The following NLGN4X variants were observed in gnomAD, a reference collection of about 807,000 sequenced individuals.
The protein encoded by NLGN4X is neuroligin 4 X-linked.
In NLGN4X, 3 loss-of-function variants were observed where a neutral mutation model predicts 40.3. That is an observed-to-expected ratio of 0.07 (90% CI 0.03 to 0.19). The LOEUF (loss-of-function observed/expected upper bound fraction) is 0.19. Among genes scored for constraint, NLGN4X ranks in the 10% least tolerant of loss-of-function variants. The probability of loss-of-function intolerance (pLI) is 1.00; values close to 1 mark genes in which losing one functional copy is unlikely to be tolerated. For missense variants in NLGN4X, 382 were observed against 708.3 expected (o/e 0.54, Z 5.23); for synonymous variants, 270 against 306.8 (o/e 0.88, Z 1.25).
intron 2 of NLGN4X, among the ~76,000 whole-genome samples, chrX:6,125,010 A>C (rs994990720): frequency 8.9e-5 from 10 of 112,248 alleles, no homozygotes; most frequent in Non-Finnish European, 1.9e-4. Context: ...ACATATACAC[A>C]CACACATCTA....
chrX:6,139,526 T>C (rs1211928086), intron 2 of NLGN4X, among the ~76,000 whole-genome samples: 1 of 112,284 alleles, frequency 8.9e-6, no homozygotes, highest in Admixed American at 9.5e-5. Flanking sequence ...AGAACTTCCA[T>C]TTTAGGAAAC....
chrX:6,198,790 G>C (rs978633925), intron 1 of NLGN4X, among the ~76,000 whole-genome samples: 1 of 111,571 alleles, frequency 9.0e-6, no homozygotes, highest in African/African-American at 3.3e-5. Context: ...ACCACCCAGT[G>C]ACCTCAAGAG....
At chrX:6,048,752 C>T (rs986273972) in intron 2 of NLGN4X, among the ~76,000 whole-genome samples, 2 of 108,862 alleles carry the variant, frequency 1.8e-5, no homozygotes, top group South Asian at 4.2e-4. Context: ...GAACAGAGAA[C>T]CAAACACCAC....
chrX:6,082,780 G>A (rs1207523675), intron 2 of NLGN4X, among the ~76,000 whole-genome samples: 1 of 108,754 alleles, frequency 9.2e-6, no homozygotes, highest in Non-Finnish European at 1.9e-5. Flanking sequence ...GTGTGCTGAG[G>A]GAACTGTGAG....
rs918859549 is a variant in NLGN4X at position 5,890,952 on chromosome X, T to C, written c.*1865A>G. Reference sequence around the variant, plus strand: ...GAGCCAGGCAGCTGGACAATTTTTATGGGGAATGTCCACTTTAGCGGAGAG... The same window carrying C: ...GAGCCAGGCAGCTGGACAATTTTTACGGGGAATGTCCACTTTAGCGGAGAG... On this transcript the variant is annotated 3_prime_UTR_variant, in exon 6 of 6. Coordinates refer to ENST00000381095, the MANE Select transcript of NLGN4X (RefSeq NM_181332.3). 2 of 313,785 alleles carry C rather than the reference T, an allele frequency of 6.4e-6. No homozygotes were observed. The highest frequency in any genetic ancestry group is 3.4e-5 in the Admixed American group (1 of 29,510). 25.9% of individuals were successfully genotyped at this position (313,785 alleles called of 1,213,427 possible). A position where few individuals can be genotyped will look rare whatever the true frequency, so the allele number is the denominator to read the frequency against.
chrX:6,169,107 A>T (rs1362699060), intron 1 of NLGN4X, among the ~76,000 whole-genome samples: 1 of 111,753 alleles, frequency 8.9e-6, no homozygotes, highest in Non-Finnish European at 1.9e-5. Context: ...GGCAAGACAG[A>T]TCAAAGGTAT....
Position 5,978,266 on chromosome X carries a change from CTCTTTTTT to C in NLGN4X, c.625+51006_625+51013del, listed in dbSNP as rs1156414048. ...CAACTGGAATTAAAAAGACAGGCGTCTCTTTTTTTCTTTCTTTCTTTCTTTCTTTCTTT... is the reference window on the plus strand; with the variant it reads ...CAACTGGAATTAAAAAGACAGGCGTCTCTTTCTTTCTTTCTTTCTTTCTTT... On this transcript the variant is annotated intron_variant, in intron 3 of 5. Coordinates refer to ENST00000381095, the MANE Select transcript of NLGN4X (RefSeq NM_181332.3). Among the ~76,000 whole-genome samples the C allele has an allele frequency of 3.2e-3, 331 of 104,018 alleles. 3 individuals are homozygous for C. The highest frequency in any genetic ancestry group is 0.012 in the African/African-American group (314 of 26,811). The allele number at this position is 104,018 out of a possible 115,157, so 90.3% of individuals were successfully genotyped here. A position where few individuals can be genotyped will look rare whatever the true frequency, so the allele number is the denominator to read the frequency against.
chrX:6,100,966 C>T lies in NLGN4X; in HGVS notation c.472+50029G>A, dbSNP rs369614271. Among the ~76,000 whole-genome samples the T allele has an allele frequency of 1.3e-4, 14 of 110,884 alleles. 1 individual carries two copies. The highest frequency in any genetic ancestry group is 4.6e-4 in the African/African-American group (14 of 30,532). On this transcript the variant is annotated intron_variant, in intron 2 of 5. Transcript: ENST00000381095. ...TTTATACTTGAGGCAGACTAGAGATCGATTGCATTCCAAGAGGCAGGGGAA... is the reference window on the plus strand; with the variant it reads ...TTTATACTTGAGGCAGACTAGAGATTGATTGCATTCCAAGAGGCAGGGGAA...
intron 5 of NLGN4X, among the ~76,000 whole-genome samples, chrX:5,902,048 G>A (rs1413360921): frequency 9.1e-6 from 1 of 110,176 alleles, no homozygotes; most frequent in African/African-American, 3.3e-5. Flanking sequence ...TACATGTGCT[G>A]TGATATCCTT....
intron 3 of NLGN4X, among the ~76,000 whole-genome samples, chrX:6,022,498 C>T (rs759411675): frequency 1.8e-5 from 2 of 111,856 alleles, no homozygotes; most frequent in Non-Finnish European, 3.8e-5. Flanking sequence ...GGGAGAAGAA[C>T]ATACAGGTCA....
intron 3 of NLGN4X, among the ~76,000 whole-genome samples, chrX:5,987,141 T>C (rs1269275099): frequency 8.9e-6 from 1 of 111,820 alleles, no homozygotes; most frequent in African/African-American, 3.2e-5. Flanking sequence ...TATACAACAA[T>C]TAAAATGAGT....
intron 1 of NLGN4X, among the ~76,000 whole-genome samples, chrX:6,219,550 TTC>T (rs1376915618): frequency 9.9e-5 from 2 of 20,269 alleles, no homozygotes; most frequent in Non-Finnish European, 1.7e-4. Flanking sequence ...TCTCTTTTCT[TTC>T]TTTCTTTCTT....
rs2146731270 is a variant in NLGN4X at position 5,903,307 on chromosome X, G to A, written c.1371C>T (p.Ala457=). 6.6e-6 allele frequency: 8 copies of A among 1,211,748 alleles called. No individual in the cohort carries two copies. The highest frequency in any genetic ancestry group is 8.9e-6 in the Non-Finnish European group (8 of 895,440). ...GGGAGCCGTACTGCGCGTGCAGGTC[G>A]GCGGTGGCCACGGCGGGGGCCACCC... The part of the protein sequence containing the change: ...HQWVAPAVAT[A]DLHAQYGSPT... Residue 457 remains alanine (A), a synonymous_variant, in exon 5 of 6, where the codon GCC becomes GCT. Coordinates refer to ENST00000381095, the MANE Select transcript of NLGN4X (RefSeq NM_181332.3).
At chrX:5,957,384 C>T (rs1158261208) in intron 3 of NLGN4X, among the ~76,000 whole-genome samples, 2 of 111,849 alleles carry the variant, frequency 1.8e-5, no homozygotes, top group Admixed American at 1.9e-4. Flanking sequence ...AAGAGGTTTT[C>T]ACATAAGCAC....
chrX:6,170,240 T>C lies in NLGN4X; in HGVS notation c.-305-18469A>G, dbSNP rs140366954. On this transcript the variant is annotated intron_variant, in intron 1 of 5. Transcript: ENST00000381095. ...GCACAAAGTGCTGGGATTGCAGGCA[T>C]GAGCCACTGCACCCAGCTAGAGATT... 2.7e-5 allele frequency among the ~76,000 whole-genome samples: 3 copies of C among 111,455 alleles called. 1 individual carries two copies. Among genetic ancestry groups the C allele is most frequent in the African/African-American group, 9.8e-5 (3 of 30,703 alleles).
intron 2 of NLGN4X, among the ~76,000 whole-genome samples, chrX:6,116,615 C>T (rs1276757047): frequency 9.7e-6 from 1 of 103,021 alleles, no homozygotes; most frequent in Non-Finnish European, 2.0e-5. Context: ...CCTCAGCCCC[C>T]GCCTCCCAGG....
chrX:6,200,629 C>T (rs1250897263), intron 1 of NLGN4X, among the ~76,000 whole-genome samples: 2 of 108,993 alleles, frequency 1.8e-5, no homozygotes, highest in Non-Finnish European at 3.8e-5. Flanking sequence ...CCGCCTTCAA[C>T]ACTTTCTAAA....
intron 2 of NLGN4X, among the ~76,000 whole-genome samples, chrX:6,048,191 G>T (rs772665487): frequency 1.8e-5 from 2 of 111,767 alleles, no homozygotes; most frequent in Non-Finnish European, 3.8e-5. Context: ...TCTCTGACAC[G>T]AGACGCAGTT....
chrX:5,916,851 T>C (rs1275443612), intron 3 of NLGN4X, among the ~76,000 whole-genome samples: 1 of 112,265 alleles, frequency 8.9e-6, no homozygotes, highest in Non-Finnish European at 1.9e-5. Context: ...TTATTGCTAA[T>C]ATCTGTTTAT....
Sources: allele counts gnomAD v4.1 joint callset (sites outside exome capture counted in the v4.1 genomes callset), GRCh38; gene constraint gnomAD v4.1.1; transcripts MANE v1.5; gene names NCBI Gene and HGNC (gene_info 2026-07-23, HGNC 2026-07-21).